HECTD2: variants seen among roughly 807,000 people sequenced by gnomAD.
The protein encoded by HECTD2 is probable E3 ubiquitin-protein ligase HECTD2.
HECTD2 carries 35 observed loss-of-function variants against 103.2 expected under a neutral mutation model. The observed-to-expected ratio is 0.34, with a 90% CI of 0.26 to 0.45. HECTD2 has a LOEUF of 0.45. Ranked by LOEUF, HECTD2 falls within the 20% of genes least tolerant of loss-of-function variation. The pLI, the probability that HECTD2 is intolerant of heterozygous loss-of-function variation, is 1.00. For synonymous variants in HECTD2, 281 were observed against 329.9 expected, an observed-to-expected ratio of 0.85 and a Z score of 1.61; for missense variants, 596 against 937.4, an observed-to-expected ratio of 0.64 and a Z score of 4.76.
Position 91,429,327 on chromosome 10 carries a change from G to C in HECTD2, c.268+3917G>C, listed in dbSNP as rs559674579. ...GCATCAATGTTCATCAAGGATATTG[G>C]TCTAAAATTCTCCTTTTTGGTTGTG... On this transcript the variant is annotated intron_variant, in intron 2 of 20. Coordinates refer to ENST00000298068, the MANE Select transcript of HECTD2 (RefSeq NM_182765.6). 8.7e-4 allele frequency among the ~76,000 whole-genome samples: 133 copies of C among 152,206 alleles called. 1 individual carries two copies. The highest frequency in any genetic ancestry group is 4.6e-3 in the East Asian group (24 of 5,176).
At chr10:91,473,987 T>G (rs916900787) in intron 5 of HECTD2, among the ~76,000 whole-genome samples, 1 of 152,122 alleles carries the variant, frequency 6.6e-6, no homozygotes, top group African/African-American at 2.4e-5. Context: ...ATAAAATTGA[T>G]GTCTAATGTG....
Position 91,492,336 on chromosome 10 carries a change from T to C in HECTD2, c.1300-16T>C. On this transcript the variant is annotated splice_polypyrimidine_tract_variant and intron_variant, in intron 12 of 20. Coordinates refer to ENST00000298068, the MANE Select transcript of HECTD2 (RefSeq NM_182765.6). The stretch of plus-strand genomic sequence containing the variant: ...CTGCTCTTTGTTCTCCTCTACTGTA[T>C]AATATCTTCAAATAGCTAACCCGGA... The C allele has an allele frequency of 6.2e-7, 1 of 1,607,710 alleles. No homozygotes were observed. Among genetic ancestry groups the C allele is most frequent in the Non-Finnish European group, 8.5e-7 (1 of 1,174,470 alleles).
intron 1 of HECTD2, among the ~76,000 whole-genome samples, chr10:91,412,079 T>G (rs1842933007): frequency 6.6e-6 from 1 of 152,178 alleles, no homozygotes; most frequent in African/African-American, 2.4e-5. Flanking sequence ...GGATTTCAAG[T>G]TTTTCAGATT....
chr10:91,444,600 C>T (rs746554390), intron 2 of HECTD2, among the ~76,000 whole-genome samples: 1 of 152,146 alleles, frequency 6.6e-6, no homozygotes, highest in Non-Finnish European at 1.5e-5. Flanking sequence ...AGAAAAATAA[C>T]AGACTGCAGC....
chr10:91,463,467 C>T lies in HECTD2; in HGVS notation c.600+1283C>T, dbSNP rs1299881163. On this transcript the variant is annotated intron_variant, in intron 5 of 20. Coordinates refer to ENST00000298068, the MANE Select transcript of HECTD2 (RefSeq NM_182765.6). Reference sequence around the variant, plus strand: ...ATTCAAGCCTGTATTCAAGAGTCAACTGTACTTTGCTATATTCATCCATTA... The same window carrying T: ...ATTCAAGCCTGTATTCAAGAGTCAATTGTACTTTGCTATATTCATCCATTA... The T allele has an allele frequency of 2.0e-5, 3 of 152,138 alleles. No individual in the cohort carries two copies. The South Asian group carries it at 6.2e-4, about 32-fold the overall frequency. 9.4% of individuals were successfully genotyped at this position (152,138 alleles called of 1,614,324 possible).
intron 2 of HECTD2, among the ~76,000 whole-genome samples, chr10:91,455,488 G>A (rs1247872328): frequency 6.6e-6 from 1 of 152,096 alleles, no homozygotes; most frequent in Non-Finnish European, 1.5e-5. Flanking sequence ...TGTCAGATGA[G>A]TAGATTGCAA....
intron 2 of HECTD2, among the ~76,000 whole-genome samples, chr10:91,435,339 C>G (rs1046394508): frequency 6.6e-6 from 1 of 151,974 alleles, no homozygotes; most frequent in Non-Finnish European, 1.5e-5. Context: ...ACTCCTCCAA[C>G]TGTCAAGAGT....
chr10:91,487,806 G>A lies in HECTD2; in HGVS notation c.1191+28G>A. The A allele has an allele frequency of 8.4e-7, 1 of 1,195,214 alleles. No homozygotes were observed. The highest frequency in any genetic ancestry group is 1.2e-6 in the Non-Finnish European group (1 of 809,054). 74.0% of individuals were successfully genotyped at this position (1,195,214 alleles called of 1,614,324 possible). A position where few individuals can be genotyped will look rare whatever the true frequency, so the allele number is the denominator to read the frequency against. The stretch of plus-strand genomic sequence containing the variant: ...AAGTCAGCTATAAAAACATATTTAT[G>A]CTGACTATAATCAGTATAGTAAATA... On this transcript the variant is annotated intron_variant, in intron 11 of 20. Transcript: ENST00000298068. The surrounding 1 kb of genome is among the most constrained non-coding windows in gnomAD (Gnocchi z 4.1).
Position 91,430,526 on chromosome 10 carries a change from A to G in HECTD2, c.268+5116A>G, listed in dbSNP as rs562588226. Among the ~76,000 whole-genome samples, 59 of 152,262 alleles carry G rather than the reference A, an allele frequency of 3.9e-4. No individual in the cohort carries two copies. The East Asian group carries it at 0.01, about 27-fold the overall frequency. ...TGTGTGGGAGTCTAAGTCTCTTTGT[A>G]GGTCACTCAGGACTTGTTTTATGAA... On this transcript the variant is annotated intron_variant, in intron 2 of 20. Transcript: ENST00000298068.
At chr10:91,437,333 T>TA (rs1844161242) in intron 2 of HECTD2, among the ~76,000 whole-genome samples, 1 of 151,976 alleles carries the variant, frequency 6.6e-6, no homozygotes, top group South Asian at 2.1e-4. Context: ...AACACCTACA[T>TA]ATGGCCTTTT....
intron 1 of HECTD2, among the ~76,000 whole-genome samples, chr10:91,424,468 C>T (rs1270710150): frequency 2.0e-5 from 3 of 152,088 alleles, no homozygotes; most frequent in Admixed American, 2.0e-4. Context: ...AAGTTAACTA[C>T]TGTATTCTCT....
At chr10:91,451,926 A>G (rs1844848501) in intron 2 of HECTD2, among the ~76,000 whole-genome samples, 2 of 152,262 alleles carry the variant, frequency 1.3e-5, no homozygotes, top group Admixed American at 1.3e-4. Flanking sequence ...TCATTATTAT[A>G]GACCTTAAAA....
At chr10:91,409,571 A>G (rs954728905), upstream of HECTD2, 2 of 152,604 alleles carry the variant, frequency 1.3e-5, no homozygotes, top group East Asian at 1.9e-4. Context: ...GAGGAACAGG[A>G]ATGGAAAGTG....
chr10:91,418,505 A>G (rs972774379), intron 1 of HECTD2, among the ~76,000 whole-genome samples: 5 of 152,140 alleles, frequency 3.3e-5, no homozygotes, highest in Admixed American at 6.5e-5. Flanking sequence ...ATTTAAAGAT[A>G]TGATTTATAT....
At chr10:91,456,918 G>T (rs910125562) in intron 2 of HECTD2, among the ~76,000 whole-genome samples, 1 of 152,000 alleles carries the variant, frequency 6.6e-6, no homozygotes, top group South Asian at 2.1e-4. Flanking sequence ...TCTTTGACAA[G>T]ATCAGTAAAA....
At chr10:91,450,861 G>A (rs1320593137) in intron 2 of HECTD2, among the ~76,000 whole-genome samples, 1 of 152,038 alleles carries the variant, frequency 6.6e-6, no homozygotes, top group African/African-American at 2.4e-5. Flanking sequence ...TAAAAAGTCA[G>A]GAAATAGATG....
chr10:91,419,032 A>G (rs1843244067), intron 1 of HECTD2, among the ~76,000 whole-genome samples: 1 of 152,152 alleles, frequency 6.6e-6, no homozygotes, highest in Non-Finnish European at 1.5e-5. Flanking sequence ...TTTAATTCAG[A>G]AACTCTAAGA....
chr10:91,432,604 T>C (rs1322252860), intron 2 of HECTD2, among the ~76,000 whole-genome samples: 2 of 151,888 alleles, frequency 1.3e-5, no homozygotes, highest in East Asian at 3.9e-4. Flanking sequence ...TCACACTTAA[T>C]TGAAACATTT....
intron 5 of HECTD2, among the ~76,000 whole-genome samples, chr10:91,472,251 A>G (rs1471986227): frequency 6.6e-6 from 1 of 152,232 alleles, no homozygotes; most frequent in African/African-American, 2.4e-5. Context: ...CTCGCTTGCT[A>G]TATGTAAAAG....
Sources: gnomAD v4.1 joint callset for allele counts (sites outside exome capture counted in the v4.1 genomes callset) on GRCh38, gnomAD v4.1.1 for gene constraint, Gnocchi (gnomAD v3.1) non-coding constraint, MANE v1.5 for transcripts, NCBI Gene and HGNC (gene_info 2026-07-23, HGNC 2026-07-21) for gene names.